The following EFR3B variants were observed in gnomAD, a reference collection of about 807,000 sequenced individuals.
EFR3B encodes EFR3 homolog B, also known as protein EFR3 homolog B.
EFR3B carries 64 observed loss-of-function variants against 104.7 expected under a neutral mutation model. That is an observed-to-expected ratio of 0.61 (90% confidence interval 0.50 to 0.75). The LOEUF (loss-of-function observed/expected upper bound fraction) is 0.75. Among genes scored for constraint, EFR3B ranks in the 30% least tolerant of loss-of-function variants. The probability of loss-of-function intolerance (pLI) is 0.00; values close to 1 mark genes in which losing one functional copy is unlikely to be tolerated. For synonymous variants in EFR3B, 385 were observed against 417.9 expected (o/e 0.92, Z 0.96); for missense variants, 750 against 1,078.5 (o/e 0.70, Z 4.27).
chr2:25,112,048 G>A (rs1284211693), intron 4 of EFR3B, among the ~76,000 whole-genome samples: 3 of 152,238 alleles, frequency 2.0e-5, no homozygotes, highest in Non-Finnish European at 2.9e-5. Flanking sequence ...GAGTGTCTGT[G>A]GTCTCCTAGG....
chr2:25,120,083 G>A (rs573156341), intron 4 of EFR3B, among the ~76,000 whole-genome samples: 9 of 152,120 alleles, frequency 5.9e-5, no homozygotes, highest in Admixed American at 1.3e-4. Flanking sequence ...GGCTGGGCAC[G>A]GGGGCTGATG....
At chr2:25,090,556 T>G (rs887008365) in intron 1 of EFR3B, among the ~76,000 whole-genome samples, 1 of 152,336 alleles carries the variant, frequency 6.6e-6, no homozygotes, top group Middle Eastern at 3.4e-3. Flanking sequence ...TTTTTCATTT[T>G]GCTACAGATT....
intron 1 of EFR3B, among the ~76,000 whole-genome samples, chr2:25,073,913 G>A (rs1032988308): frequency 2.0e-5 from 3 of 152,046 alleles, no homozygotes. Context: ...TTGAGCTTTT[G>A]CAACACATAA....
At chr2:25,074,123 C>T (rs1668569770) in intron 1 of EFR3B, among the ~76,000 whole-genome samples, 1 of 152,124 alleles carries the variant, frequency 6.6e-6, no homozygotes, top group South Asian at 2.1e-4. Context: ...TATTCTCCCT[C>T]CATTTGTGAC....
intron 16 of EFR3B, among the ~76,000 whole-genome samples, chr2:25,139,725 C>T (rs1191167407): frequency 6.6e-6 from 1 of 152,218 alleles, no homozygotes; most frequent in Non-Finnish European, 1.5e-5. Flanking sequence ...GTCTCCTTTT[C>T]TTTTCCTTTG....
At position 25,042,223 on chromosome 2, in the gene EFR3B, C is replaced by A; in HGVS notation, c.-90C>A. 7.9e-7 allele frequency: 1 copy of A among 1,265,532 alleles called. No individual in the cohort carries two copies. The allele number at this position is 1,265,532 out of a possible 1,614,324, so 78.4% of individuals were successfully genotyped here. A position where few individuals can be genotyped will look rare whatever the true frequency, so the allele number is the denominator to read the frequency against. ...CTGTCGGCCGCCGCCAGTCCCCGCC[C>A]CGACTGTGAATGAAAGGCGGGCGCC... On this transcript the variant is annotated 5_prime_UTR_variant, in exon 1 of 23. Transcript: ENST00000403714. The surrounding 1 kb of genome is among the most constrained non-coding windows in gnomAD (Gnocchi z 5.4).
At chr2:25,132,453 C>G (rs867449449) in intron 10 of EFR3B, among the ~76,000 whole-genome samples, 4 of 152,290 alleles carry the variant, frequency 2.6e-5, no homozygotes, top group Middle Eastern at 3.4e-3. Flanking sequence ...CCTGCCTGCC[C>G]TAGCCATGTG....
chr2:25,149,747 G>A lies in EFR3B; in HGVS notation c.2191+5G>A. On this transcript the variant is annotated splice_donor_5th_base_variant and intron_variant, in intron 20 of 22. Coordinates refer to ENST00000403714, the MANE Select transcript of EFR3B (RefSeq NM_014971.2). ...AGACACTGAAGAAAGCCATTGGTAA[G>A]TCAGGGCAAAGGGACTCTGGTTAGA... The A allele has an allele frequency of 6.4e-7, 1 of 1,551,552 alleles. No homozygotes were observed. The highest frequency in any genetic ancestry group is 8.7e-7 in the Non-Finnish European group (1 of 1,146,840).
chr2:25,152,908 G>T (rs970281321), intron 21 of EFR3B, among the ~76,000 whole-genome samples: 2 of 151,864 alleles, frequency 1.3e-5, no homozygotes, highest in Non-Finnish European at 2.9e-5. Flanking sequence ...ACTTTGAGAG[G>T]GATGCCCATG....
chr2:25,052,357 G>A (rs558422169), intron 1 of EFR3B, among the ~76,000 whole-genome samples: 61 of 152,220 alleles, frequency 4.0e-4, no homozygotes, highest in African/African-American at 1.1e-3. Context: ...GCATTCTGAG[G>A]CATCATCTTT....
intron 13 of EFR3B, 73 bp downstream of exon 13, chr2:25,135,712 C>A: frequency 6.7e-7 from 1 of 1,500,258 alleles, no homozygotes; most frequent in South Asian, 1.3e-5. Flanking sequence ...ATCCTTTGGT[C>A]CTGTCCTCAC....
In EFR3B at chr2:25,139,143, A is replaced by G. The variant is rs538763668; in HGVS notation, c.1807A>G (p.Ile603Val). Residue 603 changes from isoleucine to valine, a missense_variant, in exon 16 of 23, where the codon ATC becomes GTC. By Grantham distance (29) the Ile-to-Val change is conservative. Transcript: ENST00000403714. Reference protein sequence around the residue: ...YALGAAYLNLISQLTTVPAFC... With the variant: ...YALGAAYLNLVSQLTTVPAFC... ...TCTGGGCGCAGCCTACCTGAACCTCATCAGTCAGCTCACAACAGTGCCTGC... is the reference window on the plus strand; with the variant it reads ...TCTGGGCGCAGCCTACCTGAACCTCGTCAGTCAGCTCACAACAGTGCCTGC... 3.2e-6 allele frequency: 5 copies of G among 1,551,702 alleles called. No individual in the cohort carries two copies. In the African/African-American group the frequency reaches 5.5e-5, roughly 17 times the overall value.
chr2:25,086,132 C>T (rs537161347), intron 1 of EFR3B, among the ~76,000 whole-genome samples: 7 of 152,140 alleles, frequency 4.6e-5, no homozygotes, highest in Non-Finnish European at 7.4e-5. Flanking sequence ...GATAATATTC[C>T]GTTGTCTGGA....
chr2:25,053,264 C>G (rs541810616), intron 1 of EFR3B, among the ~76,000 whole-genome samples: 2 of 152,328 alleles, frequency 1.3e-5, no homozygotes, highest in South Asian at 4.1e-4. Flanking sequence ...TCCCAGCTCC[C>G]TTAGCTTTGC....
chr2:25,151,251 C>G (rs1424171035), intron 20 of EFR3B, among the ~76,000 whole-genome samples: 1 of 151,624 alleles, frequency 6.6e-6, no homozygotes, highest in Non-Finnish European at 1.5e-5. Context: ...GTCAATGTCC[C>G]TCTTCTTTTT....
chr2:25,141,626 C>G (rs1206132952), intron 17 of EFR3B, among the ~76,000 whole-genome samples, 193 bp downstream of exon 17: 1 of 152,208 alleles, frequency 6.6e-6, no homozygotes, highest in Non-Finnish European at 1.5e-5. Flanking sequence ...CAGTCCATGC[C>G]TCGAGCATGC....
chr2:25,135,584 A>G lies in EFR3B; in HGVS notation c.1429A>G (p.Ile477Val). 6.4e-7 allele frequency: 1 copy of G among 1,551,894 alleles called. No homozygotes were observed. Among genetic ancestry groups the G allele is most frequent in the African/African-American group, 1.4e-5 (1 of 73,140 alleles). ...AGAAATTCGACTCTTTGTTCTAGAG[A>G]TTCTCATCAGTTTCATTGATCGTCA... ...DAEIRLFVLE[I>V]LISFIDRHGN... Residue 477 changes from isoleucine to valine, a missense_variant, in exon 13 of 23, where the codon ATT (isoleucine) becomes GTT (valine). Ile to Val is a conservative substitution (Grantham distance 29). Transcript: ENST00000403714.
chr2:25,121,553 G>A (rs1670014825), intron 4 of EFR3B, 120 bp from the exon 5 acceptor site: 2 of 1,304,368 alleles, frequency 1.5e-6, no homozygotes, highest in African/African-American at 2.9e-5. Context: ...GGCCGGCCAA[G>A]CTGGCTCCAG....
At chr2:25,073,822 C>T (rs1668561504) in intron 1 of EFR3B, among the ~76,000 whole-genome samples, 1 of 152,168 alleles carries the variant, frequency 6.6e-6, no homozygotes. Context: ...GTAGGCCCAC[C>T]TCCTTCCAGG....
Sources: allele counts gnomAD v4.1 joint callset (sites outside exome capture counted in the v4.1 genomes callset), GRCh38; gene constraint gnomAD v4.1.1; non-coding constraint Gnocchi (gnomAD v3.1); transcripts MANE v1.5; gene names NCBI Gene and HGNC (gene_info 2026-07-23, HGNC 2026-07-21).